Variants in CXCL14 observed in about 807,000 individuals in gnomAD.
CXCL14 encodes the protein C-X-C motif chemokine ligand 14.
CXCL14 carries 9 observed loss-of-function variants against 16.1 expected under a neutral mutation model. The ratio of observed to expected loss-of-function variants is 0.56; its 90% confidence interval spans 0.34 to 0.97. The LOEUF (loss-of-function observed/expected upper bound fraction) is 0.97, where lower values mean the gene tolerates loss of function less well. Among genes scored for constraint, CXCL14 ranks in the 50% least tolerant of loss-of-function variants. CXCL14 has a pLI of 0.02. For synonymous variants in CXCL14, 55 were observed against 52.8 expected, an observed-to-expected ratio of 1.04 and a Z score of -0.18; for missense variants, 111 against 132.5, an observed-to-expected ratio of 0.84 and a Z score of 0.80.
Position 135,571,864 on chromosome 5 carries a change from A to G in CXCL14, c.289T>C (p.Tyr97His), listed in dbSNP as rs141392731. 1 of 1,603,212 alleles carries G rather than the reference A, an allele frequency of 6.2e-7. No homozygotes were observed. The highest frequency in any genetic ancestry group is 1.4e-5 in the African/African-American group (1 of 72,706). ...TGAGGTTTTTCACCCTATTCTTCGT[A>G]GACCCTGGGGAGAAAAAACACATGT... The part of the protein sequence containing the change: ...YNAWNEKRRV[Y>H]EE Residue 97 changes from tyrosine to histidine, a missense_variant, in exon 4 of 4, where the codon TAC becomes CAC. By Grantham distance (83) the Tyr-to-His change is moderately conservative. Coordinates refer to ENST00000512158, the MANE Select transcript of CXCL14 (RefSeq NM_004887.5).
In CXCL14 at chr5:135,574,592, GTTGTACCAC is replaced by G. The variant is rs1751071707; in HGVS notation, c.255_263del (p.Lys85_Tyr87del). 6.2e-7 allele frequency: 1 copy of G among 1,612,972 alleles called. No individual in the cohort carries two copies. Among genetic ancestry groups the G allele is most frequent in the African/African-American group, 1.3e-5 (1 of 74,884 alleles). ...CGTACCTGCGCTTCTCGTTCCAGGCGTTGTACCACTTGATGAAGCGCTTGGTGCTCTGCA... is the reference window on the plus strand; with the variant it reads ...CGTACCTGCGCTTCTCGTTCCAGGCGTTGATGAAGCGCTTGGTGCTCTGCA... On this transcript the variant is annotated inframe_deletion, in exon 3 of 4. Coordinates refer to ENST00000512158, the MANE Select transcript of CXCL14 (RefSeq NM_004887.5).
Position 135,571,493 on chromosome 5 carries a change from GGCGCTTATAAA to G in CXCL14, c.*349_*359del, listed in dbSNP as rs1346811897. ...TCCACCAAGCTCATTGTTCCTCCCGGGCGCTTATAAAGCTCAGATGTATAGTGACGTATGGA... is the reference window on the plus strand; with the variant it reads ...TCCACCAAGCTCATTGTTCCTCCCGGGCTCAGATGTATAGTGACGTATGGA... On this transcript the variant is annotated 3_prime_UTR_variant, in exon 4 of 4. Transcript: ENST00000512158. 4.6e-6 allele frequency: 1 copy of G among 216,768 alleles called. No homozygotes were observed. The highest frequency in any genetic ancestry group is 9.0e-6 in the Non-Finnish European group (1 of 110,726). The allele number at this position is 216,768 out of a possible 1,614,324, so 13.4% of individuals were successfully genotyped here. A position where few individuals can be genotyped will look rare whatever the true frequency, so the allele number is the denominator to read the frequency against.
rs1751028771 is a variant in CXCL14 at position 135,571,612 on chromosome 5, A to T, written c.*241T>A. 2.0e-6 allele frequency: 1 copy of T among 489,374 alleles called. No individual in the cohort carries two copies. Among genetic ancestry groups the T allele is most frequent in the East Asian group, 3.3e-5 (1 of 30,468 alleles). 30.3% of individuals were successfully genotyped at this position (489,374 alleles called of 1,614,324 possible). ...AAAAGCAGCCTGTGATGAAGTCTGG[A>T]GCACAAGAGAGATGGGTCTCCCATC... On this transcript the variant is annotated 3_prime_UTR_variant, in exon 4 of 4. Coordinates refer to ENST00000512158, the MANE Select transcript of CXCL14 (RefSeq NM_004887.5).
chr5:135,576,700 T>G (rs1022155089), intron 2 of CXCL14, among the ~76,000 whole-genome samples: 1 of 152,090 alleles, frequency 6.6e-6, no homozygotes, highest in East Asian at 1.9e-4. Flanking sequence ...TCCTTCTGGG[T>G]GCAAGGACTC....
At chr5:135,572,094 C>G (rs1404254777) in intron 3 of CXCL14, among the ~76,000 whole-genome samples, 1 of 152,184 alleles carries the variant, frequency 6.6e-6, no homozygotes, top group East Asian at 1.9e-4. Context: ...TCTGCAATCT[C>G]ACTTCTGCAA....
In CXCL14 at chr5:135,571,723, T is replaced by C. The variant is rs1751030865; in HGVS notation, c.*130A>G. Reference sequence around the variant, plus strand: ...ATAACAATATATAATTTGTGTCTTATGCCTGTGAGAAAGAAAGGCTTTTTT... The same window carrying C: ...ATAACAATATATAATTTGTGTCTTACGCCTGTGAGAAAGAAAGGCTTTTTT... On this transcript the variant is annotated 3_prime_UTR_variant, in exon 4 of 4. Transcript: ENST00000512158. 17 of 918,622 alleles carry C rather than the reference T, an allele frequency of 1.9e-5. No homozygotes were observed. The South Asian group carries it at 3.1e-4, about 17-fold the overall frequency. The allele number at this position is 918,622 out of a possible 1,614,324, so 56.9% of individuals were successfully genotyped here. A position where few individuals can be genotyped will look rare whatever the true frequency, so the allele number is the denominator to read the frequency against.
chr5:135,578,162 C>T (rs939493674), intron 2 of CXCL14, among the ~76,000 whole-genome samples: 1 of 152,152 alleles, frequency 6.6e-6, no homozygotes, highest in African/African-American at 2.4e-5. Flanking sequence ...GTGGGTGGCC[C>T]ATGGTACAAA....
At position 135,578,969 on chromosome 5, in the gene CXCL14, G is replaced by C. The variant is rs1751169396; in HGVS notation, c.-191C>G. 1 of 578,604 alleles carries C rather than the reference G, an allele frequency of 1.7e-6. No homozygotes were observed. The highest frequency in any genetic ancestry group is 2.0e-5 in the African/African-American group (1 of 50,078). 35.8% of individuals were successfully genotyped at this position (578,604 alleles called of 1,614,324 possible). On this transcript the variant is annotated 5_prime_UTR_variant, in exon 1 of 4. Transcript: ENST00000512158. ...TCTGTGGCCGTGCGCTGCGCTCTGC[G>C]CTTGTCTCCGCGCTCTCTCCACAGC...
At chr5:135,573,709 CGTGTGTGTGT>C (rs3057739) in intron 3 of CXCL14, among the ~76,000 whole-genome samples, 37 of 145,516 alleles carry the variant, frequency 2.5e-4, no homozygotes, top group African/African-American at 8.8e-4. Context: ...TGCATGCATG[CGTGTGTGTGT>C]GTGTGTGTGT....
At chr5:135,577,672 C>T (rs560631238) in intron 2 of CXCL14, among the ~76,000 whole-genome samples, 10 of 152,294 alleles carry the variant, frequency 6.6e-5, no homozygotes, top group African/African-American at 2.2e-4. Flanking sequence ...CCAAGGGCTC[C>T]CTTCCTGGCC....
intron 2 of CXCL14, among the ~76,000 whole-genome samples, chr5:135,577,180 G>A (rs1191947494): frequency 6.6e-6 from 1 of 152,178 alleles, no homozygotes; most frequent in Non-Finnish European, 1.5e-5. Flanking sequence ...TCAGAAACTT[G>A]TTTGGTTAAT....
chr5:135,574,764 T>C, intron 2 of CXCL14, 79 bp from the exon 3 acceptor site: 1 of 1,223,420 alleles, frequency 8.2e-7, no homozygotes, highest in Non-Finnish European at 1.2e-6. Flanking sequence ...TGAGTAGCCC[T>C]GGGCTAAGTC....
At chr5:135,571,984 A>G in intron 3 of CXCL14, 116 bp from the exon 4 acceptor site, 3 of 997,214 alleles carry the variant, frequency 3.0e-6, no homozygotes, top group Non-Finnish European at 4.6e-6. Context: ...CTGTCCCAGA[A>G]CTGCAGGAAC....
At position 135,571,551 on chromosome 5, in the gene CXCL14, T is replaced by A; in HGVS notation, c.*302A>T. 1 of 404,536 alleles carries A rather than the reference T, an allele frequency of 2.5e-6. No homozygotes were observed. Among genetic ancestry groups the A allele is most frequent in the South Asian group, 4.7e-5 (1 of 21,320 alleles). The allele number at this position is 404,536 out of a possible 1,614,324, so 25.1% of individuals were successfully genotyped here. ...TGGACAAATACAAAAAAGCATTTTT[T>A]AAAAAGGAAAGGCATGAGTTTTCCC... On this transcript the variant is annotated 3_prime_UTR_variant, in exon 4 of 4. Transcript: ENST00000512158.
chr5:135,578,398 G>T (rs1280881528), intron 2 of CXCL14, 36 bp downstream of exon 2: 1 of 1,565,512 alleles, frequency 6.4e-7, no homozygotes, highest in Admixed American at 1.7e-5. Context: ...GTTGACAGCA[G>T]TGCGCACCCC....
intron 3 of CXCL14, 71 bp downstream of exon 3, chr5:135,574,501 G>A: frequency 1.6e-6 from 2 of 1,240,758 alleles, no homozygotes; most frequent in Non-Finnish European, 1.2e-6. Context: ...ACCTGGTGGG[G>A]GGGTCCCTTC....
At chr5:135,574,497 T>G (rs1580693744) in intron 3 of CXCL14, 75 bp downstream of exon 3, 1 of 1,168,534 alleles carries the variant, frequency 8.6e-7, no homozygotes, top group Non-Finnish European at 1.3e-6. Context: ...GATGACCTGG[T>G]GGGGGGGTCC....
At chr5:135,574,459 G>A in intron 3 of CXCL14, 113 bp downstream of exon 3, 1 of 742,976 alleles carries the variant, frequency 1.3e-6, no homozygotes, top group East Asian at 2.7e-5. Context: ...GGATGTTGTG[G>A]TGGGTGTTCA....
At position 135,571,742 on chromosome 5, in the gene CXCL14, C is replaced by CTTTTTTTTTT. The variant is rs566365690; in HGVS notation, c.*101_*110dup. 5.0e-5 allele frequency: 23 copies of CTTTTTTTTTT among 460,606 alleles called. No homozygotes were observed. The highest frequency in any genetic ancestry group is 9.9e-5 in the East Asian group (2 of 20,168). The allele number at this position is 460,606 out of a possible 1,614,324, so 28.5% of individuals were successfully genotyped here. On this transcript the variant is annotated 3_prime_UTR_variant, in exon 4 of 4. Transcript: ENST00000512158. Reference sequence around the variant, plus strand: ...GTCTTATGCCTGTGAGAAAGAAAGGCTTTTTTTTTTTTTTTTTTTTTTTTT... The same window carrying CTTTTTTTTTT: ...GTCTTATGCCTGTGAGAAAGAAAGGCTTTTTTTTTTTTTTTTTTTTTTTTTTTTTTTTTTT...
Sources: gnomAD v4.1 joint callset for allele counts (sites outside exome capture counted in the v4.1 genomes callset) on GRCh38, gnomAD v4.1.1 for gene constraint, MANE v1.5 for transcripts, NCBI Gene and HGNC (gene_info 2026-07-23, HGNC 2026-07-21) for gene names.